The following DGKI variants were observed in gnomAD, a reference collection of about 807,000 sequenced individuals.
The protein encoded by DGKI is DAG kinase iota.
A neutral mutation model predicts 147.5 loss-of-function variants in DGKI; 55 were observed. That is an observed-to-expected ratio of 0.37 (90% CI 0.30 to 0.47). The LOEUF is 0.47. Ranked by LOEUF, DGKI falls within the 20% of genes least tolerant of loss-of-function variation. The pLI, the probability that DGKI is intolerant of heterozygous loss-of-function variation, is 1.00. For synonymous variants in DGKI, 469 were observed against 477.1 expected (o/e 0.98, Z 0.22); for missense variants, 1,007 against 1,323.8 (o/e 0.76, Z 3.71).
At chr7:137,431,635 C>G (rs1010882848) in intron 28 of DGKI, among the ~76,000 whole-genome samples, 1 of 152,196 alleles carries the variant, frequency 6.6e-6, no homozygotes, top group Middle Eastern at 3.2e-3. Flanking sequence ...GCACAGGTAT[C>G]TCCAAAATAC....
At chr7:137,456,089 C>T (rs1486162810) in intron 27 of DGKI, among the ~76,000 whole-genome samples, 1 of 152,146 alleles carries the variant, frequency 6.6e-6, no homozygotes, top group Non-Finnish European at 1.5e-5. Context: ...TTCTTCCTTG[C>T]CACTCTACCT....
intron 22 of DGKI, among the ~76,000 whole-genome samples, chr7:137,486,046 C>T (rs1815545225): frequency 6.6e-6 from 1 of 152,116 alleles, no homozygotes; most frequent in Non-Finnish European, 1.5e-5. Flanking sequence ...CATTGTCATG[C>T]CTCCTAGGCT....
intron 3 of DGKI, among the ~76,000 whole-genome samples, chr7:137,661,066 GA>G (rs1196539818): frequency 6.6e-6 from 1 of 152,158 alleles, no homozygotes; most frequent in East Asian, 1.9e-4. Context: ...GTCCCCTTCT[GA>G]ATGAGGCACA....
intron 20 of DGKI, among the ~76,000 whole-genome samples, chr7:137,525,604 TC>T (rs1251737442): frequency 6.6e-6 from 1 of 152,168 alleles, no homozygotes; most frequent in Non-Finnish European, 1.5e-5. Flanking sequence ...TGCTTCATTT[TC>T]CTCATAGGTA....
At position 137,390,500 on chromosome 7, in the gene DGKI, G is replaced by T. The variant is rs566540335; in HGVS notation, c.*720C>A. 1.5e-4 allele frequency: 23 copies of T among 153,150 alleles called. No homozygotes were observed. The highest frequency in any genetic ancestry group is 1.2e-3 in the Admixed American group (18 of 15,344). 9.5% of individuals were successfully genotyped at this position (153,150 alleles called of 1,614,324 possible). On this transcript the variant is annotated 3_prime_UTR_variant, in exon 33 of 33. Coordinates refer to ENST00000614521, the MANE Select transcript of DGKI (RefSeq NM_001321708.2). The stretch of plus-strand genomic sequence containing the variant: ...CCCAGCAGCCTGGGCTGACCCCTGG[G>T]TTACCTCTCTGAGGTACCTCCAAGC...
chr7:137,586,445 G>T (rs1190510103), intron 13 of DGKI, among the ~76,000 whole-genome samples: 1 of 151,738 alleles, frequency 6.6e-6, no homozygotes, highest in South Asian at 2.1e-4. Flanking sequence ...AAAAAAAAAA[G>T]TTGGTGGGGC....
intron 6 of DGKI, among the ~76,000 whole-genome samples, chr7:137,638,218 C>A (rs941389800): frequency 6.6e-6 from 1 of 151,878 alleles, no homozygotes; most frequent in East Asian, 1.9e-4. Context: ...TACTCTTACT[C>A]ATTTGCTGGT....
intron 32 of DGKI, 68 bp downstream of exon 32, chr7:137,395,530 C>G: frequency 5.4e-6 from 8 of 1,471,902 alleles, no homozygotes; most frequent in Non-Finnish European, 7.6e-6. Flanking sequence ...GCTATGGTCA[C>G]AAGCAAAGGC....
intron 20 of DGKI, among the ~76,000 whole-genome samples, chr7:137,525,992 C>T (rs1817131746): frequency 6.6e-6 from 1 of 151,418 alleles, no homozygotes; most frequent in Non-Finnish European, 1.5e-5. Flanking sequence ...TGAAAACAGA[C>T]AGCTAGAACA....
intron 7 of DGKI, 26 bp from the exon 8 acceptor site, chr7:137,619,966 C>T: frequency 6.5e-7 from 1 of 1,536,938 alleles, no homozygotes. Context: ...AGCCAGTAAA[C>T]AATTCTGGTC....
In DGKI at chr7:137,537,320, A is replaced by C. The variant is rs546483177; in HGVS notation, c.2147+15049T>G. ...CTCTTACACTTCACTATCCGACCTTAAGATTCAGCAAATAGCATGCCTTTA... is the reference window on the plus strand; with the variant it reads ...CTCTTACACTTCACTATCCGACCTTCAGATTCAGCAAATAGCATGCCTTTA... On this transcript the variant is annotated intron_variant, in intron 20 of 32. Transcript: ENST00000614521. 6.6e-5 allele frequency among the ~76,000 whole-genome samples: 10 copies of C among 152,208 alleles called. No individual in the cohort carries two copies. In the South Asian group the frequency reaches 8.3e-4, roughly 13 times the overall value.
Position 137,712,317 on chromosome 7 carries a change from C to A in DGKI, c.402-22315G>T, listed in dbSNP as rs192765382. Among the ~76,000 whole-genome samples the A allele has an allele frequency of 3.4e-4, 52 of 152,186 alleles. No homozygotes were observed. In the East Asian group the frequency reaches 9.5e-3, roughly 28 times the overall value. On this transcript the variant is annotated intron_variant, in intron 1 of 32. Coordinates refer to ENST00000614521, the MANE Select transcript of DGKI (RefSeq NM_001321708.2). ...ATAATTTCCAAATATTTTGTTGTAT[C>A]CTACTATATATTCTCTTCTCAATAA...
chr7:137,420,735 G>A (rs1428900336), intron 28 of DGKI, among the ~76,000 whole-genome samples: 1 of 152,054 alleles, frequency 6.6e-6, no homozygotes, highest in African/African-American at 2.4e-5. Flanking sequence ...ATAATCAGAT[G>A]TGACCGAGCA....
intron 1 of DGKI, among the ~76,000 whole-genome samples, chr7:137,783,289 T>C (rs1387796065): frequency 6.6e-6 from 1 of 151,916 alleles, no homozygotes; most frequent in African/African-American, 2.4e-5. Context: ...TAAGAAACCA[T>C]CACAACTTCT....
At chr7:137,582,556 T>C (rs1402630080) in intron 14 of DGKI, among the ~76,000 whole-genome samples, 1 of 152,006 alleles carries the variant, frequency 6.6e-6, no homozygotes, top group Non-Finnish European at 1.5e-5. Flanking sequence ...CAAAACTACC[T>C]ATTACTATTA....
intron 1 of DGKI, among the ~76,000 whole-genome samples, chr7:137,729,378 C>T (rs1454220362): frequency 6.6e-6 from 1 of 152,134 alleles, no homozygotes; most frequent in Non-Finnish European, 1.5e-5. Context: ...CTCAGGTAGT[C>T]TTGTCCCACA....
In DGKI at chr7:137,391,250, A is replaced by G. The variant is rs759492433; in HGVS notation, c.3144T>C (p.Ile1048=). Residue 1048 remains isoleucine, a synonymous_variant, in exon 33 of 33, where the codon ATT becomes ATC. Coordinates refer to ENST00000614521, the MANE Select transcript of DGKI (RefSeq NM_001321708.2). ...YLESRQNYKV[I]GHEDLETAV Reference sequence around the variant, plus strand: ...CAGCAGTTTCCAGGTCCTCATGGCCAATGACCTTATAGTTCTGACGGCTTT... The same window carrying G: ...CAGCAGTTTCCAGGTCCTCATGGCCGATGACCTTATAGTTCTGACGGCTTT... The G allele has an allele frequency of 5.0e-6, 8 of 1,613,982 alleles. No individual in the cohort carries two copies. In the Admixed American group the frequency reaches 5.0e-5, roughly 10 times the overall value.
chr7:137,763,169 A>G (rs1795911896), intron 1 of DGKI, among the ~76,000 whole-genome samples: 1 of 152,228 alleles, frequency 6.6e-6, no homozygotes, highest in Admixed American at 6.5e-5. Context: ...GGACACTTTT[A>G]TATTTTTATA....
chr7:137,759,943 A>C (rs1490280327), intron 1 of DGKI, among the ~76,000 whole-genome samples: 1 of 152,198 alleles, frequency 6.6e-6, no homozygotes, highest in Non-Finnish European at 1.5e-5. Context: ...ACAAAAAGGC[A>C]TACTAGTTGT....
Sources: gnomAD v4.1 joint callset for allele counts (sites outside exome capture counted in the v4.1 genomes callset) on GRCh38, gnomAD v4.1.1 for gene constraint, MANE v1.5 for transcripts, NCBI Gene and HGNC (gene_info 2026-07-23, HGNC 2026-07-21) for gene names.